The following TTC12 variants were observed in gnomAD, a reference collection of about 807,000 sequenced individuals.
The protein encoded by TTC12 is tetratricopeptide repeat domain 12.
Under a neutral mutation model 90.1 loss-of-function variants are expected in TTC12, and 70 were observed. That is an observed-to-expected ratio of 0.78 (90% CI 0.64 to 0.95). The LOEUF (loss-of-function observed/expected upper bound fraction) is 0.95, where lower values mean the gene tolerates loss of function less well. TTC12 is among the 40% of genes least tolerant of loss of function. The pLI, the probability that TTC12 is intolerant of heterozygous loss-of-function variation, is 0.00. For synonymous variants in TTC12, 296 were observed against 311.5 expected (o/e 0.95, Z 0.53); for missense variants, 819 against 846.1 (o/e 0.97, Z 0.40).
chr11:113,320,962 G>C (rs532159626), intron 2 of TTC12, among the ~76,000 whole-genome samples: 2 of 152,044 alleles, frequency 1.3e-5, no homozygotes, highest in African/African-American at 4.8e-5. Context: ...AGGATCGCTT[G>C]AGCCCAGGGG....
At chr11:113,345,956 G>A (rs1403416106) in intron 13 of TTC12, among the ~76,000 whole-genome samples, 1 of 152,054 alleles carries the variant, frequency 6.6e-6, no homozygotes, top group Non-Finnish European at 1.5e-5. Flanking sequence ...AGAAACCTCA[G>A]CTTTTTACTT....
chr11:113,346,766 AAAG>A lies in TTC12; in HGVS notation c.1154+2327_1154+2329del, dbSNP rs1948991593. 2.0e-5 allele frequency among the ~76,000 whole-genome samples: 3 copies of A among 151,846 alleles called. No homozygotes were observed. In the South Asian group the frequency reaches 6.2e-4, roughly 32 times the overall value. Reference sequence around the variant, plus strand: ...ATCTGCTACAGAAAAAAAAAAAAAAAAAGCAACTAACATCAATTAAGCCTGACA... The same window carrying A: ...ATCTGCTACAGAAAAAAAAAAAAAAACAACTAACATCAATTAAGCCTGACA... On this transcript the variant is annotated intron_variant, in intron 13 of 21. Transcript: ENST00000529221.
chr11:113,369,880 C>T (rs1417020587), downstream of TTC12, among the ~76,000 whole-genome samples: 4 of 152,232 alleles, frequency 2.6e-5, no homozygotes, highest in Non-Finnish European at 5.9e-5. Flanking sequence ...TGCCCCCTCC[C>T]ACCCTCACGG....
chr11:113,341,607 G>A (rs1948691269), intron 11 of TTC12: 1 of 535,612 alleles, frequency 1.9e-6, no homozygotes. Flanking sequence ...ATCGCCCATG[G>A]CCCTGGCTCA....
At chr11:113,352,045 C>CT (rs1555150463) in intron 15 of TTC12, 25 bp from the exon 16 acceptor site, 1 of 1,611,354 alleles carries the variant, frequency 6.2e-7, no homozygotes, top group South Asian at 1.1e-5. Flanking sequence ...CTCTGAGGCT[C>CT]TGCCTTCTCT....
At chr11:113,347,916 T>G (rs1205509400) in intron 13 of TTC12, among the ~76,000 whole-genome samples, 1 of 152,182 alleles carries the variant, frequency 6.6e-6, no homozygotes, top group Non-Finnish European at 1.5e-5. Context: ...ACTACTCTTC[T>G]GGAAACTCCA....
chr11:113,314,667 A>G (rs1299050532), intron 1 of TTC12, 49 bp downstream of exon 1: 1 of 153,108 alleles, frequency 6.5e-6, no homozygotes, highest in Non-Finnish European at 1.5e-5. Flanking sequence ...CTGGTCCTGC[A>G]CTGGCCTTCA....
chr11:113,339,698 T>TACACA, intron 10 of TTC12: 1 of 483,108 alleles, frequency 2.1e-6, no homozygotes, highest in Non-Finnish European at 3.7e-6. Context: ...GCAATAAACA[T>TACACA]ACACAACACA....
intron 16 of TTC12, among the ~76,000 whole-genome samples, chr11:113,353,380 T>A (rs1435443371): frequency 6.6e-6 from 1 of 152,230 alleles, no homozygotes; most frequent in Non-Finnish European, 1.5e-5. Flanking sequence ...CCTTGTCAGA[T>A]GCATAGTTTG....
intron 2 of TTC12, 111 bp downstream of exon 2, chr11:113,316,426 A>G (rs1411493839): frequency 6.3e-6 from 3 of 475,260 alleles, no homozygotes; most frequent in South Asian, 8.3e-5. Flanking sequence ...TAGGAAAAAA[A>G]TGTAATTGAA....
chr11:113,330,108 T>C, intron 7 of TTC12, 129 bp downstream of exon 7: 1 of 744,694 alleles, frequency 1.3e-6, no homozygotes, highest in Admixed American at 2.1e-5. Flanking sequence ...ATCTGTAGAA[T>C]GGGATAGAAT....
chr11:113,347,540 T>C (rs1290342637), intron 13 of TTC12, among the ~76,000 whole-genome samples: 2 of 152,198 alleles, frequency 1.3e-5, no homozygotes, highest in Admixed American at 1.3e-4. Flanking sequence ...ACAGTTCTGA[T>C]TGAGATAAAT....
intron 18 of TTC12, among the ~76,000 whole-genome samples, chr11:113,361,240 G>A (rs983118078): frequency 1.3e-5 from 2 of 152,176 alleles, no homozygotes; most frequent in Admixed American, 1.3e-4. Flanking sequence ...TAATACACAA[G>A]TTTATCTTTT....
At chr11:113,315,600 G>A (rs1269482750) in intron 1 of TTC12, among the ~76,000 whole-genome samples, 1 of 152,128 alleles carries the variant, frequency 6.6e-6, no homozygotes, top group Non-Finnish European at 1.5e-5. Context: ...TATGATCTGT[G>A]GATGAACCAC....
chr11:113,338,722 C>T, intron 8 of TTC12, 52 bp from the exon 9 acceptor site: 2 of 1,466,560 alleles, frequency 1.4e-6, no homozygotes, highest in Non-Finnish European at 1.9e-6. Flanking sequence ...GTGTCTTTCT[C>T]ATAATCACCT....
intron 13 of TTC12, among the ~76,000 whole-genome samples, chr11:113,349,308 C>T (rs73574652): frequency 0.017 from 2,631 of 152,294 alleles, 72 homozygotes; most frequent in African/African-American, 0.059. Flanking sequence ...ATGTGTATCA[C>T]TGTAGGAGAC....
At chr11:113,321,772 C>T (rs1555138597) in intron 2 of TTC12, among the ~76,000 whole-genome samples, 1 of 152,140 alleles carries the variant, frequency 6.6e-6, no homozygotes, top group African/African-American at 2.4e-5. Flanking sequence ...GCACTCATAC[C>T]ACTCATGAGA....
chr11:113,335,136 T>C, intron 8 of TTC12, 99 bp downstream of exon 8: 2 of 882,246 alleles, frequency 2.3e-6, no homozygotes, highest in Non-Finnish European at 1.8e-6. Flanking sequence ...GATTAGGTAT[T>C]AATCCATCCT....
At chr11:113,316,337 A>G (rs1946939840) in intron 2 of TTC12, 22 bp downstream of exon 2, 1 of 1,270,774 alleles carries the variant, frequency 7.9e-7, no homozygotes, top group East Asian at 2.6e-5. Flanking sequence ...TAAATCATAA[A>G]TTAATTTCTG....
Sources: gnomAD v4.1 joint callset for allele counts (sites outside exome capture counted in the v4.1 genomes callset) on GRCh38, gnomAD v4.1.1 for gene constraint, MANE v1.5 for transcripts, NCBI Gene and HGNC (gene_info 2026-07-23, HGNC 2026-07-21) for gene names.